PRKAA2: variants seen among roughly 807,000 people sequenced by gnomAD.
The protein encoded by PRKAA2 is 5'-AMP-activated protein kinase catalytic subunit alpha-2.
A neutral mutation model predicts 56.3 loss-of-function variants in PRKAA2; 40 were observed. The observed-to-expected ratio is 0.71, with a 90% CI of 0.55 to 0.92. The LOEUF is 0.92. Ranked by LOEUF, PRKAA2 falls within the 40% of genes least tolerant of loss-of-function variation. PRKAA2 has a pLI of 0.00. For missense variants in PRKAA2, 542 were observed against 686.9 expected (o/e 0.79, Z 2.36); for synonymous variants, 214 against 234.2 (o/e 0.91, Z 0.79).
intron 1 of PRKAA2, among the ~76,000 whole-genome samples, chr1:56,653,166 C>T (rs1416886972): frequency 6.6e-6 from 1 of 151,356 alleles, no homozygotes; most frequent in East Asian, 1.9e-4. Context: ...TATGTTTCTT[C>T]TCAAATACTA....
At chr1:56,667,123 A>C (rs1018541863) in intron 1 of PRKAA2, among the ~76,000 whole-genome samples, 8 of 152,192 alleles carry the variant, frequency 5.3e-5, no homozygotes, top group Non-Finnish European at 8.8e-5. Context: ...TAGTGGAAAG[A>C]GAAGTGTTTC....
chr1:56,687,267 A>G (rs931505409), intron 2 of PRKAA2, among the ~76,000 whole-genome samples: 1 of 152,144 alleles, frequency 6.6e-6, no homozygotes, highest in Non-Finnish European at 1.5e-5. Flanking sequence ...AAACACAACA[A>G]TAGGATTGAA....
In PRKAA2 at chr1:56,708,578, G is replaced by A. The variant is rs965525895; in HGVS notation, c.*865G>A. ...AAATAGTTAAATGAAACAAAGCAAA[G>A]TATCAACAGTCCCTTAAATGAGAAT... On this transcript the variant is annotated 3_prime_UTR_variant, in exon 9 of 9. Coordinates refer to ENST00000371244, the MANE Select transcript of PRKAA2 (RefSeq NM_006252.4). The A allele has an allele frequency of 1.3e-5, 2 of 152,162 alleles. No homozygotes were observed. Among genetic ancestry groups the A allele is most frequent in the African/African-American group, 2.4e-5 (1 of 41,428 alleles). The allele number at this position is 152,162 out of a possible 1,614,324, so 9.4% of individuals were successfully genotyped here.
chr1:56,648,813 T>C (rs559962123), intron 1 of PRKAA2, among the ~76,000 whole-genome samples: 2 of 152,346 alleles, frequency 1.3e-5, no homozygotes. Flanking sequence ...ACTAATGATG[T>C]TGAACATTGT....
intron 1 of PRKAA2, among the ~76,000 whole-genome samples, chr1:56,647,667 C>T (rs1646654122): frequency 6.6e-6 from 1 of 151,770 alleles, no homozygotes; most frequent in Non-Finnish European, 1.5e-5. Context: ...AGGATTAGTA[C>T]AATTGTTACT....
Position 56,709,435 on chromosome 1 carries a change from A to C in PRKAA2, c.*1722A>C, listed in dbSNP as rs1569806542. On this transcript the variant is annotated 3_prime_UTR_variant, in exon 9 of 9. Transcript: ENST00000371244. ...CAATTTGGGAAGGAGGGCGGGTTGC[A>C]ATTTGAGATAGTTTAAGGTTTAATT... 6.6e-6 allele frequency: 1 copy of C among 152,288 alleles called. No individual in the cohort carries two copies. The highest frequency in any genetic ancestry group is 1.9e-4 in the East Asian group (1 of 5,186). The allele number at this position is 152,288 out of a possible 1,614,324, so 9.4% of individuals were successfully genotyped here.
chr1:56,689,612 G>A (rs546171640), intron 2 of PRKAA2, among the ~76,000 whole-genome samples: 3 of 152,054 alleles, frequency 2.0e-5, no homozygotes, highest in South Asian at 4.2e-4. Context: ...CCAGCTACTC[G>A]GGAGGTTGAG....
At chr1:56,665,340 C>G (rs1437272146) in intron 1 of PRKAA2, among the ~76,000 whole-genome samples, 1 of 152,196 alleles carries the variant, frequency 6.6e-6, no homozygotes, top group Admixed American at 6.5e-5. Context: ...TCCCAAAGTA[C>G]TGGGATTACA....
rs769746364 is a variant in PRKAA2 at position 56,692,511 on chromosome 1, C to T, written c.475+9C>T. 1.4e-5 allele frequency: 23 copies of T among 1,612,654 alleles called. No homozygotes were observed. Among genetic ancestry groups the T allele is most frequent in the Non-Finnish European group, 1.9e-5 (22 of 1,179,414 alleles). On this transcript the variant is annotated intron_variant, in intron 4 of 8. Transcript: ENST00000371244. ...CAAGATAGCCGATTTCGGTATGTAA[C>T]TCCAGGGTTGTTCAGAAAGGTACTA...
intron 2 of PRKAA2, among the ~76,000 whole-genome samples, chr1:56,690,924 G>A (rs574080646): frequency 2.0e-5 from 3 of 152,074 alleles, no homozygotes; most frequent in African/African-American, 7.2e-5. Context: ...GCACTTTCAT[G>A]TATGTTCTGT....
intron 6 of PRKAA2, among the ~76,000 whole-genome samples, chr1:56,699,984 A>T (rs574597748): frequency 6.6e-6 from 1 of 152,170 alleles, no homozygotes; most frequent in Admixed American, 6.5e-5. Flanking sequence ...CATTTAGTTT[A>T]TGCATTAGTT....
At position 56,708,255 on chromosome 1, in the gene PRKAA2, T is replaced by A. The variant is rs1411912745; in HGVS notation, c.*542T>A. 2 of 157,888 alleles carry A rather than the reference T, an allele frequency of 1.3e-5. No individual in the cohort carries two copies. Among genetic ancestry groups the A allele is most frequent in the Non-Finnish European group, 2.8e-5 (2 of 71,136 alleles). 9.8% of individuals were successfully genotyped at this position (157,888 alleles called of 1,614,324 possible). On this transcript the variant is annotated 3_prime_UTR_variant, in exon 9 of 9. Coordinates refer to ENST00000371244, the MANE Select transcript of PRKAA2 (RefSeq NM_006252.4). ...AGAAGCCAAGTTTTTCTAACAGTAT[T>A]TGTACAAATACTGCCTAGTGTATTC...
chr1:56,707,444 A>G (rs2100441171), intron 8 of PRKAA2, 31 bp from the exon 9 acceptor site: 3 of 1,571,188 alleles, frequency 1.9e-6, no homozygotes, highest in East Asian at 4.5e-5. Context: ...TATACTTTCC[A>G]TATAAATTGC....
chr1:56,688,549 A>G (rs997203326), intron 2 of PRKAA2, among the ~76,000 whole-genome samples: 1 of 152,220 alleles, frequency 6.6e-6, no homozygotes, highest in African/African-American at 2.4e-5. Context: ...AAGGATGATT[A>G]GGGCTCACTC....
chr1:56,689,715 G>A (rs1179443596), intron 2 of PRKAA2, among the ~76,000 whole-genome samples: 1 of 152,020 alleles, frequency 6.6e-6, no homozygotes, highest in Non-Finnish European at 1.5e-5. Context: ...GCAAGACTCT[G>A]TCTCAAACAA....
chr1:56,689,198 G>T (rs1169062767), intron 2 of PRKAA2, among the ~76,000 whole-genome samples: 2 of 152,124 alleles, frequency 1.3e-5, no homozygotes, highest in African/African-American at 4.8e-5. Context: ...CTACAGTGAG[G>T]TGCTACAGCA....
At chr1:56,649,826 G>A (rs1337790374) in intron 1 of PRKAA2, among the ~76,000 whole-genome samples, 26 of 152,134 alleles carry the variant, frequency 1.7e-4, no homozygotes, top group Admixed American at 1.4e-3. Flanking sequence ...CAGGCACGGC[G>A]GCTCACGCCT....
chr1:56,710,875 G>A lies in PRKAA2; in HGVS notation c.*3162G>A, dbSNP rs1644365136. On this transcript the variant is annotated 3_prime_UTR_variant, in exon 9 of 9. Transcript: ENST00000371244. ...TGTCACTGATTCTTACTTTTAAAAT[G>A]TGTAGTCAGTGAACATTTTCTAAAT... 6.6e-6 allele frequency: 1 copy of A among 152,026 alleles called. No homozygotes were observed. The highest frequency in any genetic ancestry group is 1.5e-5 in the Non-Finnish European group (1 of 67,954). The allele number at this position is 152,026 out of a possible 1,614,324, so 9.4% of individuals were successfully genotyped here.
chr1:56,647,122 G>A (rs1389310748), intron 1 of PRKAA2, among the ~76,000 whole-genome samples: 1 of 152,138 alleles, frequency 6.6e-6, no homozygotes, highest in Non-Finnish European at 1.5e-5. Flanking sequence ...TCCTGTGAGG[G>A]TTATAAAGTC....
Sources: gnomAD v4.1 joint callset for allele counts (sites outside exome capture counted in the v4.1 genomes callset) on GRCh38, gnomAD v4.1.1 for gene constraint, MANE v1.5 for transcripts, NCBI Gene and HGNC (gene_info 2026-07-23, HGNC 2026-07-21) for gene names.